Variants in CRTC3 observed in about 807,000 individuals in gnomAD.
CRTC3 encodes the protein CREB-regulated transcription coactivator 3.
In CRTC3, 26 loss-of-function variants were observed where a neutral mutation model predicts 74.5. That is an observed-to-expected ratio of 0.35 (90% CI 0.26 to 0.48). The LOEUF (loss-of-function observed/expected upper bound fraction) is 0.48, where lower values mean the gene tolerates loss of function less well. CRTC3 is among the 20% of genes least tolerant of loss of function. The probability of loss-of-function intolerance (pLI) is 0.99; values close to 1 mark genes in which losing one functional copy is unlikely to be tolerated. For synonymous variants in CRTC3, 377 were observed against 325.8 expected (o/e 1.16, Z -1.69); for missense variants, 760 against 787.3 (o/e 0.97, Z 0.41).
intron 7 of CRTC3, among the ~76,000 whole-genome samples, chr15:90,615,437 G>C (rs80101972): frequency 0.022 from 3,360 of 152,268 alleles, 129 homozygotes; most frequent in African/African-American, 0.075. Context: ...GAGACCCTAG[G>C]GGGGACATGA....
At chr15:90,575,445 C>T (rs1248838281) in intron 2 of CRTC3, among the ~76,000 whole-genome samples, 1 of 152,154 alleles carries the variant, frequency 6.6e-6, no homozygotes, top group Non-Finnish European at 1.5e-5. Context: ...ACACTTTATA[C>T]CTTTATTTTC....
chr15:90,592,930 A>T (rs548192270), intron 2 of CRTC3, among the ~76,000 whole-genome samples: 3 of 152,304 alleles, frequency 2.0e-5, no homozygotes, highest in Non-Finnish European at 4.4e-5. Flanking sequence ...AGGTGGGCTG[A>T]TCACCTGAGG....
chr15:90,638,739 C>T lies in CRTC3; in HGVS notation c.1472C>T (p.Ser491Leu). The T allele has an allele frequency of 1.2e-6, 2 of 1,614,080 alleles. No individual in the cohort carries two copies. Among genetic ancestry groups the T allele is most frequent in the Admixed American group, 1.7e-5 (1 of 60,028 alleles). ...SDFQLLPAQGSSLTNFFPDVG... is the reference protein window; with the variant it reads ...SDFQLLPAQGLSLTNFFPDVG... Reference sequence around the variant, plus strand: ...TCATCTCCTTATTCCCTGAAGGGCTCATCTTTGACCAACTTCTTCCCAGAT... The same window carrying T: ...TCATCTCCTTATTCCCTGAAGGGCTTATCTTTGACCAACTTCTTCCCAGAT... The change falls in exon 13 of 15, where the codon TCA becomes TTA. Residue 491 changes from serine (S) to leucine (L), a missense_variant. Ser to Leu is a moderately radical substitution (Grantham distance 145). Transcript: ENST00000268184.
At chr15:90,564,270 T>C (rs1437782834) in intron 2 of CRTC3, among the ~76,000 whole-genome samples, 8 of 152,244 alleles carry the variant, frequency 5.3e-5, no homozygotes, top group South Asian at 2.1e-4. Context: ...AATGCAGAAG[T>C]TGAAACCTGT....
intron 2 of CRTC3, among the ~76,000 whole-genome samples, chr15:90,567,635 C>T (rs1000193411): frequency 2.0e-5 from 3 of 151,696 alleles, no homozygotes; most frequent in Non-Finnish European, 2.9e-5. Context: ...TTGCAGTGAG[C>T]CAAAATTGTG....
intron 2 of CRTC3, among the ~76,000 whole-genome samples, chr15:90,574,434 C>T (rs754626271): frequency 1.1e-4 from 17 of 152,182 alleles, no homozygotes; most frequent in East Asian, 5.8e-4. Flanking sequence ...GCCGAGATCG[C>T]GCCACTGTAC....
At chr15:90,551,674 G>C (rs563796958) in intron 2 of CRTC3, among the ~76,000 whole-genome samples, 35 of 152,136 alleles carry the variant, frequency 2.3e-4, no homozygotes, top group African/African-American at 8.2e-4. Context: ...TCCCTTCCCT[G>C]CTCGTCTTTA....
At chr15:90,603,304 G>T (rs535229309) in intron 4 of CRTC3, among the ~76,000 whole-genome samples, 1 of 149,040 alleles carries the variant, frequency 6.7e-6, no homozygotes, top group African/African-American at 2.5e-5. Flanking sequence ...GTAGCCGGGC[G>T]TGGTGGCAGG....
chr15:90,545,870 G>T (rs147207804), intron 2 of CRTC3, among the ~76,000 whole-genome samples: 3 of 152,148 alleles, frequency 2.0e-5, no homozygotes, highest in African/African-American at 4.8e-5. Flanking sequence ...GAGCCACTGC[G>T]CCTGGCCTTG....
chr15:90,579,547 G>A (rs574876938), intron 2 of CRTC3, among the ~76,000 whole-genome samples: 1 of 151,754 alleles, frequency 6.6e-6, no homozygotes, highest in South Asian at 2.1e-4. Flanking sequence ...CCTTCCCCTG[G>A]GAAAAAATTC....
At chr15:90,618,216 A>AC (rs1555452258) in intron 8 of CRTC3, 21 of 255,922 alleles carry the variant, frequency 8.2e-5, no homozygotes, top group South Asian at 7.8e-4. Context: ...TAAAAAAAAA[A>AC]AAAAAACCCT....
At chr15:90,602,076 C>T (rs1220667444) in intron 3 of CRTC3, among the ~76,000 whole-genome samples, 2 of 152,070 alleles carry the variant, frequency 1.3e-5, no homozygotes, top group Non-Finnish European at 2.9e-5. Context: ...TTCCTGAAAA[C>T]AAAAGTTGCC....
At chr15:90,632,311 A>C (rs1337259581) in intron 11 of CRTC3, among the ~76,000 whole-genome samples, 2 of 152,060 alleles carry the variant, frequency 1.3e-5, no homozygotes, top group African/African-American at 2.4e-5. Context: ...TTTTAAATGA[A>C]TGTTGCTGGA....
intron 2 of CRTC3, among the ~76,000 whole-genome samples, chr15:90,556,986 A>C: frequency 7.4e-6 from 1 of 135,338 alleles, no homozygotes; most frequent in African/African-American, 2.8e-5. Flanking sequence ...ATATATATAT[A>C]TATATATATA....
In CRTC3 at chr15:90,562,557, T is replaced by A. The variant is rs368018342; in HGVS notation, c.231+22420T>A. On this transcript the variant is annotated intron_variant, in intron 2 of 14. Coordinates refer to ENST00000268184, the MANE Select transcript of CRTC3 (RefSeq NM_022769.5). ...GGATAGATGCCGTTTTCTAGTCCCC[T>A]GGAACCATCGTATGCCCAGTTTAGT... Among the ~76,000 whole-genome samples, 8 of 152,322 alleles carry A rather than the reference T, an allele frequency of 5.3e-5. No homozygotes were observed. The South Asian group carries it at 8.3e-4, about 16-fold the overall frequency.
At chr15:90,592,263 T>C (rs1967817817) in intron 2 of CRTC3, among the ~76,000 whole-genome samples, 1 of 152,234 alleles carries the variant, frequency 6.6e-6, no homozygotes, top group Non-Finnish European at 1.5e-5. Flanking sequence ...GAATAGTATG[T>C]GAGGTGATGG....
chr15:90,551,934 ACACACACACG>A (rs1249748149), intron 2 of CRTC3, among the ~76,000 whole-genome samples: 178 of 9,724 alleles, frequency 0.018, 5 homozygotes, highest in African/African-American at 0.066. Flanking sequence ...ACACACGCAC[ACACACACACG>A]CACACACACA....
At chr15:90,539,674 T>C (rs1229314433) in intron 1 of CRTC3, 1 of 262,102 alleles carries the variant, frequency 3.8e-6, no homozygotes, top group African/African-American at 2.4e-5. Flanking sequence ...GAAAAGAGCA[T>C]GAAGAAGGGA....
In CRTC3 at chr15:90,641,936, C is replaced by T; in HGVS notation, c.1656C>T (p.Asp552=). 2.5e-6 allele frequency: 4 copies of T among 1,613,286 alleles called. No individual in the cohort carries two copies. Among genetic ancestry groups the T allele is most frequent in the Non-Finnish European group, 1.7e-6 (2 of 1,179,810 alleles). Residue 552 remains aspartate, a synonymous_variant, in exon 15 of 15, where the codon GAC becomes GAT. Transcript: ENST00000268184. The part of the protein sequence containing the change: ...GSLPNTILPE[D]SSTSLFKDLN... The stretch of plus-strand genomic sequence containing the variant: ...CCCTCTGGCCACTCCTTTCAGAAGA[C>T]TCCAGCACCAGCCTGTTCAAAGACC...
Sources: allele counts gnomAD v4.1 joint callset (sites outside exome capture counted in the v4.1 genomes callset), GRCh38; gene constraint gnomAD v4.1.1; transcripts MANE v1.5; gene names NCBI Gene and HGNC (gene_info 2026-07-23, HGNC 2026-07-21).